The following ZNF804B variants were observed in gnomAD, a reference collection of about 807,000 sequenced individuals.
The protein encoded by ZNF804B is zinc finger protein 804B, also known as zinc finger 804B.
ZNF804B carries 80 observed loss-of-function variants against 101.4 expected under a neutral mutation model. The ratio of observed to expected loss-of-function variants is 0.79; its 90% confidence interval spans 0.66 to 0.95. The LOEUF is 0.95. Among genes scored for constraint, ZNF804B ranks in the 40% least tolerant of loss-of-function variants. The probability of loss-of-function intolerance (pLI) is 0.00; values close to 1 mark genes in which losing one functional copy is unlikely to be tolerated. For missense variants in ZNF804B, 1,673 were observed against 1,561.9 expected (o/e 1.07, Z -1.20); for synonymous variants, 622 against 558.8 (o/e 1.11, Z -1.59).
chr7:88,852,499 C>T (rs1791462545), intron 1 of ZNF804B, among the ~76,000 whole-genome samples: 1 of 152,010 alleles, frequency 6.6e-6, no homozygotes, highest in Non-Finnish European at 1.5e-5. Flanking sequence ...TACCTGGCCA[C>T]TCCCAATAAG....
intron 1 of ZNF804B, among the ~76,000 whole-genome samples, chr7:89,204,895 G>A (rs1056499649): frequency 6.6e-6 from 1 of 152,110 alleles, no homozygotes; most frequent in Non-Finnish European, 1.5e-5. Context: ...TTGGCATTGT[G>A]TGGTGAGTTA....
intron 1 of ZNF804B, among the ~76,000 whole-genome samples, chr7:89,067,055 T>G (rs1282842221): frequency 6.6e-6 from 1 of 152,142 alleles, no homozygotes; most frequent in Non-Finnish European, 1.5e-5. Context: ...TCTCATAAAA[T>G]TGGGATCCAA....
At chr7:88,794,094 A>G in intron 1 of ZNF804B, 1 of 1,091,774 alleles carries the variant, frequency 9.2e-7, no homozygotes, top group South Asian at 1.8e-5. Context: ...TGTTTCTTTT[A>G]AAAGACACCA....
intron 1 of ZNF804B, among the ~76,000 whole-genome samples, chr7:88,978,123 G>C (rs1793641957): frequency 6.6e-6 from 1 of 151,636 alleles, no homozygotes; most frequent in African/African-American, 2.4e-5. Flanking sequence ...ATTTTTAAAT[G>C]TTAAAGCCTT....
chr7:89,274,237 G>T (rs939450896), intron 2 of ZNF804B, among the ~76,000 whole-genome samples: 7 of 143,134 alleles, frequency 4.9e-5, no homozygotes, highest in Non-Finnish European at 4.5e-5. Context: ...GTATACATGT[G>T]CCATGCTGGT....
chr7:88,901,292 G>C (rs1291988319), intron 1 of ZNF804B, among the ~76,000 whole-genome samples: 1 of 151,684 alleles, frequency 6.6e-6, no homozygotes, highest in Non-Finnish European at 1.5e-5. Context: ...TAAACTAAAG[G>C]CTTTAAAAGA....
chr7:89,017,709 A>G (rs757076650), intron 1 of ZNF804B, among the ~76,000 whole-genome samples: 49 of 152,002 alleles, frequency 3.2e-4, no homozygotes, highest in Non-Finnish European at 5.7e-4. Context: ...TCAGTGTTGT[A>G]TCATTTTTCT....
At chr7:89,292,816 T>C (rs945475202) in intron 2 of ZNF804B, among the ~76,000 whole-genome samples, 2 of 151,858 alleles carry the variant, frequency 1.3e-5, no homozygotes, top group African/African-American at 4.8e-5. Flanking sequence ...ATTGTATTTT[T>C]ATATATTAGT....
chr7:88,831,359 A>G (rs1486827214), intron 1 of ZNF804B, among the ~76,000 whole-genome samples: 3 of 151,954 alleles, frequency 2.0e-5, no homozygotes, highest in Non-Finnish European at 4.4e-5. Context: ...GCTATAATGT[A>G]TTCTATGGTA....
At chr7:89,235,303 G>T (rs1002357591) in intron 2 of ZNF804B, among the ~76,000 whole-genome samples, 1 of 152,142 alleles carries the variant, frequency 6.6e-6, no homozygotes, top group Non-Finnish European at 1.5e-5. Flanking sequence ...AGCAGATGCA[G>T]GTGTATATTG....
chr7:88,801,141 A>G (rs10952930), intron 1 of ZNF804B, among the ~76,000 whole-genome samples: 69,291 of 151,250 alleles, frequency 0.46, 18,415 homozygotes, highest in East Asian at 0.81. Flanking sequence ...GCAAGATTCT[A>G]GTGCGCCCAC....
chr7:89,069,048 C>T (rs918022020), intron 1 of ZNF804B, among the ~76,000 whole-genome samples: 1 of 152,200 alleles, frequency 6.6e-6, no homozygotes, highest in African/African-American at 2.4e-5. Context: ...TGAGCAGGTA[C>T]TCTTTTATGT....
At chr7:88,896,020 A>C (rs1349776113) in intron 1 of ZNF804B, among the ~76,000 whole-genome samples, 2 of 152,218 alleles carry the variant, frequency 1.3e-5, no homozygotes, top group Admixed American at 1.3e-4. Context: ...CAAAGAGTAG[A>C]GTAATGGACT....
At chr7:89,023,949 C>A (rs879812582) in intron 1 of ZNF804B, among the ~76,000 whole-genome samples, 6 of 152,150 alleles carry the variant, frequency 3.9e-5, no homozygotes, top group Non-Finnish European at 7.4e-5. Context: ...GAATTCCTAG[C>A]TTGCTAAATT....
intron 1 of ZNF804B, among the ~76,000 whole-genome samples, chr7:89,038,745 A>G (rs548385950): frequency 1.7e-4 from 26 of 152,218 alleles, no homozygotes; most frequent in African/African-American, 6.3e-4. Flanking sequence ...ACCAATATCA[A>G]GAAGCATTTC....
intron 1 of ZNF804B, among the ~76,000 whole-genome samples, chr7:89,159,895 C>A (rs139449824): frequency 3.9e-5 from 6 of 152,198 alleles, no homozygotes; most frequent in Non-Finnish European, 7.4e-5. Context: ...ATCCTTTGTA[C>A]AAGGCCACTG....
intron 1 of ZNF804B, among the ~76,000 whole-genome samples, chr7:89,137,712 T>C (rs1790658501): frequency 1.3e-5 from 2 of 152,100 alleles, no homozygotes; most frequent in Non-Finnish European, 2.9e-5. Context: ...GAAAATCCCA[T>C]TTTCTGGTGA....
In ZNF804B at chr7:88,781,858, G is replaced by T. The variant is rs73393409; in HGVS notation, c.108+21774G>T. Among the ~76,000 whole-genome samples the T allele has an allele frequency of 2.7e-3, 418 of 152,134 alleles. 2 individuals carry two copies. Among genetic ancestry groups the T allele is most frequent in the African/African-American group, 9.9e-3 (410 of 41,516 alleles). On this transcript the variant is annotated intron_variant, in intron 1 of 3. Transcript: ENST00000333190. ...TTAGCTTCAAGAGACAAAAACCCCC[G>T]CGACACTTTACCTGACTTAAGCATA...
intron 2 of ZNF804B, among the ~76,000 whole-genome samples, chr7:89,222,110 A>G (rs1048124732): frequency 6.6e-6 from 1 of 151,994 alleles, no homozygotes; most frequent in African/African-American, 2.4e-5. Context: ...CTCAAGAATA[A>G]TAGGTCCTAT....
Sources: gnomAD v4.1 joint callset for allele counts (sites outside exome capture counted in the v4.1 genomes callset) on GRCh38, gnomAD v4.1.1 for gene constraint, MANE v1.5 for transcripts, NCBI Gene and HGNC (gene_info 2026-07-23, HGNC 2026-07-21) for gene names.